RASGRF2: variants seen among roughly 807,000 people sequenced by gnomAD.
RASGRF2 encodes the protein ras-specific guanine nucleotide-releasing factor 2.
Under a neutral mutation model 151.0 loss-of-function variants are expected in RASGRF2, and 76 were observed. The observed-to-expected ratio is 0.50, with a 90% confidence interval of 0.42 to 0.61. The LOEUF (loss-of-function observed/expected upper bound fraction) is 0.61, where lower values mean the gene tolerates loss of function less well. Ranked by LOEUF, RASGRF2 falls within the 20% of genes least tolerant of loss-of-function variation. RASGRF2 has a pLI of 0.00. For missense variants in RASGRF2, 1,148 were observed against 1,564.6 expected, an observed-to-expected ratio of 0.73 and a Z score of 4.49; for synonymous variants, 504 against 566.5, an observed-to-expected ratio of 0.89 and a Z score of 1.57.
Position 81,219,789 on chromosome 5 carries a change from G to A in RASGRF2, c.3621+11G>A. 1 of 1,581,132 alleles carries A rather than the reference G, an allele frequency of 6.3e-7. No homozygotes were observed. Among genetic ancestry groups the A allele is most frequent in the Non-Finnish European group, 8.7e-7 (1 of 1,153,264 alleles). The stretch of plus-strand genomic sequence containing the variant: ...GATCATCAGCCAAAGGTAATATTAT[G>A]TGGCTGTGAAGAAATTAATAAAGAA... On this transcript the variant is annotated intron_variant, in intron 26 of 26. Coordinates refer to ENST00000265080, the MANE Select transcript of RASGRF2 (RefSeq NM_006909.3).
At chr5:81,058,775 C>CAAAAAAAAAAAAAAAAAAAAAAAAA (rs56875865) in intron 2 of RASGRF2, among the ~76,000 whole-genome samples, 1 of 70,114 alleles carries the variant, frequency 1.4e-5, no homozygotes, top group Non-Finnish European at 2.5e-5. Flanking sequence ...GGCCCTGTAT[C>CAAAAAAAAAAAAAAAAAAAAAAAAA]AAAAAAAAAA....
chr5:81,006,570 T>C (rs537235737), intron 1 of RASGRF2, among the ~76,000 whole-genome samples: 3 of 152,286 alleles, frequency 2.0e-5, no homozygotes, highest in Non-Finnish European at 4.4e-5. Context: ...TCCTCCTGTG[T>C]TTTGGTGATT....
At chr5:81,180,078 G>GGTCGC in intron 17 of RASGRF2, 97 bp from the exon 18 acceptor site, 1 of 694,464 alleles carries the variant, frequency 1.4e-6, no homozygotes, top group Admixed American at 2.0e-5. Flanking sequence ...TGTCATCTGT[G>GGTCGC]AGTTTCGTTA....
intron 26 of RASGRF2, among the ~76,000 whole-genome samples, chr5:81,221,916 G>A (rs1281868019): frequency 6.6e-6 from 1 of 152,170 alleles, no homozygotes; most frequent in Non-Finnish European, 1.5e-5. Context: ...GGCAAAGTTT[G>A]CAGTGAGCCA....
At chr5:80,961,558 T>G (rs1747557433) in intron 1 of RASGRF2, among the ~76,000 whole-genome samples, 1 of 152,208 alleles carries the variant, frequency 6.6e-6, no homozygotes, top group Admixed American at 6.5e-5. Context: ...TCAGTCTTTG[T>G]GATTTCGGTC....
chr5:81,105,022 C>A (rs1258747397), intron 12 of RASGRF2, among the ~76,000 whole-genome samples: 1 of 152,086 alleles, frequency 6.6e-6, no homozygotes, highest in Non-Finnish European at 1.5e-5. Flanking sequence ...GTCTTGAGAC[C>A]CCCTTCCTCT....
At position 80,960,374 on chromosome 5, in the gene RASGRF2, G is replaced by A. The variant is rs1013849235; in HGVS notation, c.-365G>A. Among the ~76,000 whole-genome samples, 12 of 151,094 alleles carry A rather than the reference G, an allele frequency of 7.9e-5. No individual in the cohort carries two copies. The highest frequency in any genetic ancestry group is 2.9e-4 in the African/African-American group (12 of 41,342). On this transcript the variant is annotated 5_prime_UTR_variant, in exon 1 of 27. Coordinates refer to ENST00000265080, the MANE Select transcript of RASGRF2 (RefSeq NM_006909.3). This position sits in a 1 kb window ranked among gnomAD's most constrained non-coding sequence, Gnocchi z 5.5. The stretch of plus-strand genomic sequence containing the variant: ...CGTTGCCCGAGGACAGTCCTTCCCC[G>A]GCTGCCGCCCCAGCCCGCCGCGGGG...
intron 1 of RASGRF2, among the ~76,000 whole-genome samples, chr5:81,021,718 G>A (rs9293831): frequency 0.13 from 20,184 of 152,076 alleles, 1,388 homozygotes; most frequent in African/African-American, 0.18. Context: ...ACCACAATCC[G>A]TTCATTTGCC....
In RASGRF2 at chr5:81,094,102, G is replaced by T. The variant is rs182559584; in HGVS notation, c.1552-194G>T. ...GAGTGAGAGTGGGTTGAAAGGGAAG[G>T]ATTTTACTGAAGTTAAATGAGTTCA... On this transcript the variant is annotated intron_variant, in intron 10 of 26. Transcript: ENST00000265080. Among the ~76,000 whole-genome samples the T allele has an allele frequency of 7.2e-5, 11 of 152,238 alleles. No homozygotes were observed. The East Asian group carries it at 2.1e-3, about 29-fold the overall frequency.
At chr5:81,104,502 T>C (rs16878457) in intron 12 of RASGRF2, among the ~76,000 whole-genome samples, 3,063 of 152,254 alleles carry the variant, frequency 0.02, 82 homozygotes, top group African/African-American at 0.058. Context: ...GTTTTTGTGA[T>C]AATTTTCAGT....
intron 1 of RASGRF2, among the ~76,000 whole-genome samples, chr5:81,025,068 A>T (rs1481992837): frequency 6.6e-6 from 1 of 152,148 alleles, no homozygotes; most frequent in Non-Finnish European, 1.5e-5. Flanking sequence ...GAAGCAGGAC[A>T]TGCATCTCCT....
chr5:80,988,003 A>ATG lies in RASGRF2; in HGVS notation c.288+26980_288+26981dup, dbSNP rs879470668. On this transcript the variant is annotated intron_variant, in intron 1 of 26. Coordinates refer to ENST00000265080, the MANE Select transcript of RASGRF2 (RefSeq NM_006909.3). The stretch of plus-strand genomic sequence containing the variant: ...CTACTCATGTGTAGTTTTGAAATAA[A>ATG]TGTGCGTGTGTGTGTGTGTGTGTGT... Among the ~76,000 whole-genome samples, 623 of 128,162 alleles carry ATG rather than the reference A, an allele frequency of 4.9e-3. 3 individuals are homozygous for ATG. The highest frequency in any genetic ancestry group is 7.6e-3 in the African/African-American group (252 of 33,108). The allele number at this position is 128,162 out of a possible 152,430, so 84.1% of individuals were successfully genotyped here.
At chr5:81,144,001 T>C (rs1030142191) in intron 17 of RASGRF2, among the ~76,000 whole-genome samples, 1 of 152,164 alleles carries the variant, frequency 6.6e-6, no homozygotes, top group Non-Finnish European at 1.5e-5. Context: ...GTCAGTATTA[T>C]GCAAAGCTGA....
At chr5:81,208,278 G>A (rs762556422) in intron 21 of RASGRF2, 76 bp from the exon 22 acceptor site, 52 of 1,253,302 alleles carry the variant, frequency 4.1e-5, no homozygotes, top group East Asian at 3.2e-4. Context: ...TCTAATATTC[G>A]TGACAACTGT....
At chr5:81,034,150 A>G (rs1012906550) in intron 1 of RASGRF2, among the ~76,000 whole-genome samples, 25 of 151,952 alleles carry the variant, frequency 1.6e-4, no homozygotes, top group Admixed American at 1.6e-3. Context: ...CAGGATACAG[A>G]CACTTCTCAA....
chr5:81,194,470 A>C (rs1755218820), intron 18 of RASGRF2, among the ~76,000 whole-genome samples: 1 of 151,686 alleles, frequency 6.6e-6, no homozygotes, highest in Admixed American at 6.6e-5. Context: ...TCCAGGTAAA[A>C]TGCTAATTTT....
At position 81,105,106 on chromosome 5, in the gene RASGRF2, C is replaced by G. The variant is rs574161523; in HGVS notation, c.1756-3890C>G. On this transcript the variant is annotated intron_variant, in intron 12 of 26. Transcript: ENST00000265080. ...GAGGAGGGAAGTGGACAAAGTCAGC[C>G]CCCAGAGAACTGCATCTTAAGATAC... Among the ~76,000 whole-genome samples the G allele has an allele frequency of 1.6e-4, 24 of 152,206 alleles. No individual in the cohort carries two copies. The South Asian group carries it at 4.8e-3, about 30-fold the overall frequency.
At chr5:81,140,990 G>T (rs9293836) in intron 17 of RASGRF2, among the ~76,000 whole-genome samples, 3,266 of 148,878 alleles carry the variant, frequency 0.022, 126 homozygotes, top group African/African-American at 0.075. Flanking sequence ...GTTTTCTCTG[G>T]TTTTTTTTTT....
chr5:80,983,675 G>C (rs538204999), intron 1 of RASGRF2, among the ~76,000 whole-genome samples: 1 of 152,206 alleles, frequency 6.6e-6, no homozygotes, highest in African/African-American at 2.4e-5. Context: ...CACTAGCCAC[G>C]TGTGGCTTTT....
Sources: gnomAD v4.1 joint callset for allele counts (sites outside exome capture counted in the v4.1 genomes callset) on GRCh38, gnomAD v4.1.1 for gene constraint, Gnocchi (gnomAD v3.1) non-coding constraint, MANE v1.5 for transcripts, NCBI Gene and HGNC (gene_info 2026-07-23, HGNC 2026-07-21) for gene names.